RP1: variants seen among roughly 807,000 people sequenced by gnomAD.
RP1 encodes the protein oxygen-regulated protein 1.
Under a neutral mutation model 14.8 loss-of-function variants are expected in RP1, and 16 were observed. The observed-to-expected ratio is 1.08, with a 90% confidence interval of 0.73 to 1.65. The LOEUF is 1.65. RP1 is among the 40% of genes most tolerant of loss of function. The pLI is 0.00. For missense variants in RP1, 2,631 were observed against 2,535.0 expected (o/e 1.04, Z -0.81); for synonymous variants, 876 against 883.6 (o/e 0.99, Z 0.15).
At chr8:54,845,968 C>T (rs1474021187) in intron 25 of RP1, among the ~76,000 whole-genome samples, 4 of 152,202 alleles carry the variant, frequency 2.6e-5, no homozygotes, top group Non-Finnish European at 5.9e-5. Flanking sequence ...AGACTCAATT[C>T]CATTCAACAG....
chr8:54,844,924 G>T (rs1010341443), intron 25 of RP1, among the ~76,000 whole-genome samples: 14 of 152,092 alleles, frequency 9.2e-5, no homozygotes, highest in African/African-American at 3.4e-4. Context: ...AATTCTCTTA[G>T]GGGGAGCTCC....
chr8:54,791,034 G>A (rs942672037), intron 24 of RP1, among the ~76,000 whole-genome samples: 6 of 152,110 alleles, frequency 3.9e-5, no homozygotes, highest in African/African-American at 1.4e-4. Context: ...AATCTGAAAT[G>A]TTATGCACAA....
At chr8:54,603,597 G>C (rs2129306019) in intron 1 of RP1, among the ~76,000 whole-genome samples, 1 of 152,246 alleles carries the variant, frequency 6.6e-6, no homozygotes, top group South Asian at 2.1e-4. Context: ...AGCTTGATGG[G>C]GATGGCATTG....
chr8:54,706,879 A>G (rs756719829), intron 15 of RP1, among the ~76,000 whole-genome samples: 1 of 152,138 alleles, frequency 6.6e-6, no homozygotes, highest in Non-Finnish European at 1.5e-5. Context: ...TGTATGTACA[A>G]ATCACCTGGG....
At chr8:54,744,316 GGAA>G (rs1563364029) in intron 19 of RP1, among the ~76,000 whole-genome samples, 105 of 152,284 alleles carry the variant, frequency 6.9e-4, no homozygotes, top group African/African-American at 2.4e-3. Flanking sequence ...ACTCAAAAGG[GGAA>G]GAGGGCAAGG....
At chr8:54,860,655 G>A (rs144247148) in intron 27 of RP1, among the ~76,000 whole-genome samples, 7 of 152,308 alleles carry the variant, frequency 4.6e-5, no homozygotes, top group East Asian at 3.9e-4. Flanking sequence ...CTCAGACTGC[G>A]TCCCCAGGGT....
At chr8:54,613,199 T>G (rs926760124), upstream of RP1, among the ~76,000 whole-genome samples, 3 of 152,206 alleles carry the variant, frequency 2.0e-5, no homozygotes, top group Non-Finnish European at 4.4e-5. Context: ...TTAGGTTCAA[T>G]ATCCAATAAT....
At chr8:54,749,924 T>C (rs1048092966) in intron 19 of RP1, among the ~76,000 whole-genome samples, 13 of 151,730 alleles carry the variant, frequency 8.6e-5, no homozygotes, top group African/African-American at 3.1e-4. Context: ...ACTGATGGGC[T>C]AGAGAATTCA....
downstream of RP1, among the ~76,000 whole-genome samples, chr8:54,632,132 G>A (rs1343769822): frequency 3.3e-5 from 5 of 152,002 alleles, no homozygotes; most frequent in Non-Finnish European, 7.4e-5. Flanking sequence ...GTGAGCCACC[G>A]CGCCCAGCCA....
intron 24 of RP1, among the ~76,000 whole-genome samples, chr8:54,820,559 C>T (rs1480329454): frequency 4.6e-5 from 7 of 152,128 alleles, no homozygotes; most frequent in Admixed American, 4.6e-4. Context: ...TCTGCTGTGA[C>T]AGGGCAGCAC....
chr8:54,631,001 C>T (rs1207093070), downstream of RP1, among the ~76,000 whole-genome samples: 1 of 152,118 alleles, frequency 6.6e-6, no homozygotes, highest in East Asian at 1.9e-4. Context: ...TTTTAAGAGT[C>T]CTTCCACTGC....
intron 17 of RP1, among the ~76,000 whole-genome samples, chr8:54,733,362 T>A (rs967375664): frequency 1.3e-5 from 2 of 152,130 alleles, no homozygotes; most frequent in Non-Finnish European, 2.9e-5. Context: ...AATTAAATTG[T>A]TCAGTCACTC....
intron 1 of RP1, among the ~76,000 whole-genome samples, chr8:54,569,079 C>CA (rs1336717479): frequency 6.6e-6 from 1 of 152,074 alleles, no homozygotes; most frequent in Non-Finnish European, 1.5e-5. Flanking sequence ...ATTAATAATG[C>CA]AAAAAAGAGC....
rs556952656 is a variant in RP1 at position 54,578,301 on chromosome 8, G to A, written c.-13+18981G>A. 3.3e-5 allele frequency among the ~76,000 whole-genome samples: 5 copies of A among 152,274 alleles called. No homozygotes were observed. The South Asian group carries it at 1.0e-3, about 32-fold the overall frequency. ...AGCTTATTGCAGCCTTGAACTCCTA[G>A]GCTCAAGTGATCCTCTTGTCTCAGC... On this transcript the variant is annotated intron_variant, in intron 1 of 22. Transcript: ENST00000636932.
chr8:54,590,505 G>T (rs1156395358), intron 1 of RP1, among the ~76,000 whole-genome samples: 1 of 152,046 alleles, frequency 6.6e-6, no homozygotes, highest in Non-Finnish European at 1.5e-5. Context: ...CCTCCTCAAA[G>T]CTCTCAGGAC....
Position 54,629,120 on chromosome 8 carries a change from G to A in RP1, c.5238G>A (p.Trp1746Ter). Residue 1746 changes from tryptophan (W) to a stop codon, truncating the protein, a stop_gained, in exon 4 of 4, where the codon TGG becomes TGA. Transcript: ENST00000220676. LOFTEE classifies it low-confidence loss of function (END_TRUNC). ...EEGVLIDKGK[W>*]LLKENHLLRM... ...GAGTACTGATTGACAAAGGCAAATG[G>A]CTTCTGAAAGAAAATCATTTGCTAA... 6.2e-7 allele frequency: 1 copy of A among 1,614,052 alleles called. No homozygotes were observed. Among genetic ancestry groups the A allele is most frequent in the Non-Finnish European group, 8.5e-7 (1 of 1,179,948 alleles).
chr8:54,661,924 G>C (rs1483908772), intron 6 of RP1, among the ~76,000 whole-genome samples: 1 of 151,698 alleles, frequency 6.6e-6, no homozygotes, highest in Non-Finnish European at 1.5e-5. Flanking sequence ...TGTTTATGAT[G>C]CTTTTTTTCA....
At chr8:54,869,977 T>A in exon 29 of RP1, 1 of 962,948 alleles carries the variant, frequency 1.0e-6, no homozygotes, top group Non-Finnish European at 1.3e-6. Context: ...CCAATATGCT[T>A]CAAAAGGCTA....
At chr8:54,726,328 T>C in intron 16 of RP1, 5 of 1,516,172 alleles carry the variant, frequency 3.3e-6, no homozygotes, top group Non-Finnish European at 4.4e-6. Context: ...TGGCATCTTT[T>C]AAAATCTTAA....
Sources: allele counts gnomAD v4.1 joint callset (sites outside exome capture counted in the v4.1 genomes callset), GRCh38; gene constraint gnomAD v4.1.1; transcripts MANE v1.5; gene names NCBI Gene and HGNC (gene_info 2026-07-23, HGNC 2026-07-21).